Variants in LRRC10 observed in about 807,000 individuals in gnomAD.
LRRC10 encodes leucine-rich repeat-containing protein 10.
A neutral mutation model predicts 11.1 loss-of-function variants in LRRC10; 6 were observed. The observed-to-expected ratio is 0.54, with a 90% CI of 0.30 to 1.07. The LOEUF is 1.07. Among genes scored for constraint, LRRC10 ranks in the 50% least tolerant of loss-of-function variants. The probability of loss-of-function intolerance (pLI) is 0.07; values close to 1 mark genes in which losing one functional copy is unlikely to be tolerated. For missense variants in LRRC10, 320 were observed against 355.5 expected (o/e 0.90, Z 0.80); for synonymous variants, 145 against 153.6 (o/e 0.94, Z 0.41).
rs764956929 is a variant in LRRC10, at chr12:69,609,220, C to T, written c.*785G>A. ...CTCATCTCTACGAAAAAATTAAAGA[C>T]TTAGCCAGGTGTGCACATCTGTAGT... On this transcript the variant is annotated 3_prime_UTR_variant, in exon 1 of 1. Coordinates refer to ENST00000361484, the MANE Select transcript of LRRC10 (RefSeq NM_201550.4). 4 of 152,298 alleles carry T rather than the reference C, an allele frequency of 2.6e-5. No individual in the cohort carries two copies. The highest frequency in any genetic ancestry group is 4.4e-5 in the Non-Finnish European group (3 of 68,196). 9.4% of individuals were successfully genotyped at this position (152,298 alleles called of 1,614,324 possible). A position where few individuals can be genotyped will look rare whatever the true frequency, so the allele number is the denominator to read the frequency against.
At position 69,610,045 on chromosome 12, in the gene LRRC10, A is replaced by G. The variant is rs1488538194; in HGVS notation, c.794T>C (p.Leu265Pro). The G allele has an allele frequency of 6.2e-7, 1 of 1,614,058 alleles. No individual in the cohort carries two copies. The highest frequency in any genetic ancestry group is 1.3e-5 in the African/African-American group (1 of 74,934). The change falls in exon 1 of 1, where the codon CTA becomes CCA. Residue 265 changes from leucine to proline, a missense_variant. Leu to Pro is a moderately conservative substitution (Grantham distance 98, BLOSUM62 -3). Coordinates refer to ENST00000361484, the MANE Select transcript of LRRC10 (RefSeq NM_201550.4). ...YALVREESQELQAPVPLLPPT... is the reference protein window; with the variant it reads ...YALVREESQEPQAPVPLLPPT... ...AGGAAGTAGAGGGACTGGTGCCTGTAGCTCCTGGCTTTCCTCTCTGACCAA... is the reference window on the plus strand; with the variant it reads ...AGGAAGTAGAGGGACTGGTGCCTGTGGCTCCTGGCTTTCCTCTCTGACCAA...
Position 69,609,291 on chromosome 12 carries a change from T to C in LRRC10, c.*714A>G, listed in dbSNP as rs893601535. 6 of 152,384 alleles carry C rather than the reference T, an allele frequency of 3.9e-5. No individual in the cohort carries two copies. Among genetic ancestry groups the C allele is most frequent in the African/African-American group, 1.4e-4 (6 of 41,416 alleles). 9.4% of individuals were successfully genotyped at this position (152,384 alleles called of 1,614,324 possible). ...AGGCGGGAGGAAGGCTTGAGCCCAG[T>C]AGTTCGGGGCTGCAGTGAGCCATGA... On this transcript the variant is annotated 3_prime_UTR_variant, in exon 1 of 1. Transcript: ENST00000361484.
Position 69,609,875 on chromosome 12 carries a change from G to C in LRRC10, c.*130C>G. ...AGTGTGATTTATGGCATTCCACCTG[G>C]CTCTCTCCATCAGTCTCTACTAGCA... On this transcript the variant is annotated 3_prime_UTR_variant, in exon 1 of 1. Transcript: ENST00000361484. 1.3e-6 allele frequency: 1 copy of C among 777,986 alleles called. No individual in the cohort carries two copies. The highest frequency in any genetic ancestry group is 2.0e-6 in the Non-Finnish European group (1 of 488,122). 48.2% of individuals were successfully genotyped at this position (777,986 alleles called of 1,614,324 possible). A position where few individuals can be genotyped will look rare whatever the true frequency, so the allele number is the denominator to read the frequency against.
Position 69,609,890 on chromosome 12 carries a change from C to T in LRRC10, c.*115G>A. 1.1e-6 allele frequency: 1 copy of T among 940,960 alleles called. No homozygotes were observed. Among genetic ancestry groups the T allele is most frequent in the Non-Finnish European group, 1.6e-6 (1 of 628,766 alleles). The allele number at this position is 940,960 out of a possible 1,614,324, so 58.3% of individuals were successfully genotyped here. A position where few individuals can be genotyped will look rare whatever the true frequency, so the allele number is the denominator to read the frequency against. ...ATTCCACCTGGCTCTCTCCATCAGT[C>T]TCTACTAGCAGAGCCACTCCCAAAT... On this transcript the variant is annotated 3_prime_UTR_variant, in exon 1 of 1. Transcript: ENST00000361484.
rs750230441 is a variant in LRRC10 at position 69,610,617 on chromosome 12, T to C, written c.222A>G (p.Leu74=). The change falls in exon 1 of 1, where the codon CTA becomes CTG. Residue 74 remains leucine, a synonymous_variant. Transcript: ENST00000361484. ...LNSLPPELGQ[L]QNLQILALDF... ...CCAAGGCCAGAATCTGCAGGTTCTG[T>C]AGCTGCCCCAGCTCCGGAGGCAGGC... 3.1e-6 allele frequency: 5 copies of C among 1,613,882 alleles called. No homozygotes were observed. In the Admixed American group the frequency reaches 6.7e-5, roughly 22 times the overall value.
rs1487345617 is a variant in LRRC10 at position 69,610,503 on chromosome 12, G to T, written c.336C>A (p.Asp112Glu). The T allele has an allele frequency of 1.2e-6, 2 of 1,614,168 alleles. No individual in the cohort carries two copies. The highest frequency in any genetic ancestry group is 1.1e-5 in the South Asian group (1 of 91,082). Residue 112 changes from aspartate (D) to glutamate (E), a missense_variant, in exon 1 of 1, where the codon GAC becomes GAA. Coordinates refer to ENST00000361484, the MANE Select transcript of LRRC10 (RefSeq NM_201550.4). Reference sequence around the variant, plus strand: ...GGAGCAGGCTCAGCTCACTGGGGAGGTCGCAGAGTTTGTTGTTGCCCAGGT... The same window carrying T: ...GGAGCAGGCTCAGCTCACTGGGGAGTTCGCAGAGTTTGTTGTTGCCCAGGT... ...ILYLGNNKLC[D>E]LPSELSLLQN...
In LRRC10 at chr12:69,609,926, C is replaced by G. The variant is rs997626716; in HGVS notation, c.*79G>C. ...GAGCCACTCCCAAATGACCCAGAGC[C>G]ATCCTTTCCACTCCAATGGAGAGGC... On this transcript the variant is annotated 3_prime_UTR_variant, in exon 1 of 1. Coordinates refer to ENST00000361484, the MANE Select transcript of LRRC10 (RefSeq NM_201550.4). 14 of 1,400,570 alleles carry G rather than the reference C, an allele frequency of 1.0e-5. No homozygotes were observed. The African/African-American group carries it at 1.9e-4, about 19-fold the overall frequency. The allele number at this position is 1,400,570 out of a possible 1,614,324, so 86.8% of individuals were successfully genotyped here. A position where few individuals can be genotyped will look rare whatever the true frequency, so the allele number is the denominator to read the frequency against.
In LRRC10 at chr12:69,610,071, C is replaced by T. The variant is rs148566929; in HGVS notation, c.768G>A (p.Ala256=). 367 of 1,614,220 alleles carry T rather than the reference C, an allele frequency of 2.3e-4. 2 individuals carry two copies. The highest frequency in any genetic ancestry group is 2.3e-3 in the African/African-American group (169 of 75,056). ...GCTCCTGGCTTTCCTCTCTGACCAA[C>T]GCATAGCGCCTGGCTTTTCTAGGGT... ...EPDPRKARRY[A]LVREESQELQ... Residue 256 remains alanine, a synonymous_variant, in exon 1 of 1, where the codon GCG becomes GCA. Coordinates refer to ENST00000361484, the MANE Select transcript of LRRC10 (RefSeq NM_201550.4).
rs887956097 is a variant in LRRC10, at chr12:69,609,435, A to G, written c.*570T>C. On this transcript the variant is annotated 3_prime_UTR_variant, in exon 1 of 1. Coordinates refer to ENST00000361484, the MANE Select transcript of LRRC10 (RefSeq NM_201550.4). ...ATCAGGGATCTTTTCAGCAGGCACTAAACTGCTGGGGAAAGAGTTTCATCT... is the reference window on the plus strand; with the variant it reads ...ATCAGGGATCTTTTCAGCAGGCACTGAACTGCTGGGGAAAGAGTTTCATCT... 1 of 152,892 alleles carries G rather than the reference A, an allele frequency of 6.5e-6. No individual in the cohort carries two copies. Among genetic ancestry groups the G allele is most frequent in the African/African-American group, 2.4e-5 (1 of 41,454 alleles). The allele number at this position is 152,892 out of a possible 1,614,324, so 9.5% of individuals were successfully genotyped here.
In LRRC10 at chr12:69,608,838, A is replaced by G. The variant is rs1189409725; in HGVS notation, c.*1167T>C. Reference sequence around the variant, plus strand: ...ATGTGGTTTTCCTCCAAGGACAGGGATTCAATTTAGCTCAGCTCTGGCTCA... The same window carrying G: ...ATGTGGTTTTCCTCCAAGGACAGGGGTTCAATTTAGCTCAGCTCTGGCTCA... On this transcript the variant is annotated 3_prime_UTR_variant, in exon 1 of 1. Coordinates refer to ENST00000361484, the MANE Select transcript of LRRC10 (RefSeq NM_201550.4). The G allele has an allele frequency of 6.6e-6, 1 of 152,226 alleles. No individual in the cohort carries two copies. The highest frequency in any genetic ancestry group is 1.9e-4 in the East Asian group (1 of 5,198). The allele number at this position is 152,226 out of a possible 1,614,324, so 9.4% of individuals were successfully genotyped here.
chr12:69,610,672 T>G lies in LRRC10; in HGVS notation c.167A>C (p.Lys56Thr). The change falls in exon 1 of 1, where the codon AAG (lysine) becomes ACG (threonine). Residue 56 changes from lysine (K) to threonine (T), a missense_variant. Lys to Thr is a moderately conservative substitution (Grantham distance 78). Transcript: ENST00000361484. ...LHVCSFRELV[K>T]LYLSDNHLNS... ...GAGGTGGTTGTCGCTCAGGTAGAGC[T>G]TGACCAGCTCCCTGAAGGAGCACAC... The G allele has an allele frequency of 1.2e-6, 2 of 1,614,170 alleles. No homozygotes were observed. The highest frequency in any genetic ancestry group is 1.6e-4 in the Middle Eastern group (1 of 6,062).
chr12:69,610,282 A>C lies in LRRC10; in HGVS notation c.557T>G (p.Leu186Arg), dbSNP rs1172510141. The C allele has an allele frequency of 1.2e-6, 2 of 1,613,644 alleles. No homozygotes were observed. Among genetic ancestry groups the C allele is most frequent in the Non-Finnish European group, 1.7e-6 (2 of 1,179,552 alleles). Reference sequence around the variant, plus strand: ...CACCTCCAGGAAGGGCATGTGAAGCAGCACAGTGGGAAAGTCAGTTAGCCG... The same window carrying C: ...CACCTCCAGGAAGGGCATGTGAAGCCGCACAGTGGGAAAGTCAGTTAGCCG... ...GNRLTDFPTV[L>R]LHMPFLEVID... Residue 186 changes from leucine (L) to arginine (R), a missense_variant, in exon 1 of 1, where the codon CTG (leucine) becomes CGG (arginine). Transcript: ENST00000361484.
chr12:69,610,432 A>C lies in LRRC10; in HGVS notation c.407T>G (p.Leu136Arg), dbSNP rs769149109. 2.5e-6 allele frequency: 4 copies of C among 1,613,868 alleles called. No individual in the cohort carries two copies. In the African/African-American group the frequency reaches 5.3e-5, roughly 22 times the overall value. Residue 136 changes from leucine (L) to arginine (R), a missense_variant, in exon 1 of 1, where the codon CTG becomes CGG. Transcript: ENST00000361484. ...LWIEANCLTQ[L>R]PDVVCELSLL... ...ACTCAGCTCACAGACCACATCCGGC[A>C]GCTGGGTGAGGCAGTTGGCCTCGAT...
rs375327073 is a variant in LRRC10, at chr12:69,610,563, C to G, written c.276G>C (p.Gln92His). 22 of 1,613,952 alleles carry G rather than the reference C, an allele frequency of 1.4e-5. No homozygotes were observed. In the African/African-American group the frequency reaches 2.4e-4, roughly 18 times the overall value. Residue 92 changes from glutamine to histidine, a missense_variant, in exon 1 of 1, where the codon CAG becomes CAC. Gln to His is a conservative substitution (Grantham distance 24). Coordinates refer to ENST00000361484, the MANE Select transcript of LRRC10 (RefSeq NM_201550.4). ...LDFNNFKALP[Q>H]VVCTLKQLCI... ...AGAGCTGTTTCAAGGTGCACACCAC[C>G]TGGGGCAGAGCCTTGAAGTTGTTGA... is the stretch of plus-strand genomic sequence containing the variant.
At position 69,610,083 on chromosome 12, in the gene LRRC10, G is replaced by A. The variant is rs1438333909; in HGVS notation, c.756C>T (p.Ala252=). 1.2e-6 allele frequency: 2 copies of A among 1,614,228 alleles called. No individual in the cohort carries two copies. Among genetic ancestry groups the A allele is most frequent in the Non-Finnish European group, 1.7e-6 (2 of 1,180,046 alleles). ...EETPEPDPRK[A]RRYALVREES... ...CCTCTCTGACCAACGCATAGCGCCT[G>A]GCTTTTCTAGGGTCGGGCTCTGGCG... is the stretch of plus-strand genomic sequence containing the variant. The change falls in exon 1 of 1, where the codon GCC becomes GCT. Residue 252 remains alanine (A), a synonymous_variant. Transcript: ENST00000361484.
In LRRC10 at chr12:69,610,557, C is replaced by T. The variant is rs548787199; in HGVS notation, c.282G>A (p.Val94=). The change falls in exon 1 of 1, where the codon GTG becomes GTA. Residue 94 remains valine, a synonymous_variant. Transcript: ENST00000361484. Reference sequence around the variant, plus strand: ...GGATGCAGAGCTGTTTCAAGGTGCACACCACCTGGGGCAGAGCCTTGAAGT... The same window carrying T: ...GGATGCAGAGCTGTTTCAAGGTGCATACCACCTGGGGCAGAGCCTTGAAGT... ...FNNFKALPQV[V]CTLKQLCILY... 1.9e-6 allele frequency: 3 copies of T among 1,614,026 alleles called. No homozygotes were observed. Among genetic ancestry groups the T allele is most frequent in the East Asian group, 2.2e-5 (1 of 44,884 alleles).
chr12:69,610,642 C>T lies in LRRC10; in HGVS notation c.197G>A (p.Ser66Asn). The T allele has an allele frequency of 6.2e-7, 1 of 1,614,130 alleles. No individual in the cohort carries two copies. Among genetic ancestry groups the T allele is most frequent in the Non-Finnish European group, 8.5e-7 (1 of 1,180,034 alleles). ...TAGCTGCCCCAGCTCCGGAGGCAGGCTATTGAGGTGGTTGTCGCTCAGGTA... is the reference window on the plus strand; with the variant it reads ...TAGCTGCCCCAGCTCCGGAGGCAGGTTATTGAGGTGGTTGTCGCTCAGGTA... ...KLYLSDNHLN[S>N]LPPELGQLQN... Residue 66 changes from serine to asparagine, a missense_variant, in exon 1 of 1, where the codon AGC (serine) becomes AAC (asparagine). Coordinates refer to ENST00000361484, the MANE Select transcript of LRRC10 (RefSeq NM_201550.4).
chr12:69,610,659 G>C lies in LRRC10; in HGVS notation c.180C>G (p.Ser60Arg). ...SFRELVKLYL[S>R]DNHLNSLPPE... Reference sequence around the variant, plus strand: ...GAGGCAGGCTATTGAGGTGGTTGTCGCTCAGGTAGAGCTTGACCAGCTCCC... The same window carrying C: ...GAGGCAGGCTATTGAGGTGGTTGTCCCTCAGGTAGAGCTTGACCAGCTCCC... Residue 60 changes from serine (S) to arginine (R), a missense_variant, in exon 1 of 1, where the codon AGC (serine) becomes AGG (arginine). Transcript: ENST00000361484. 1.2e-6 allele frequency: 2 copies of C among 1,614,086 alleles called. No homozygotes were observed. Among genetic ancestry groups the C allele is most frequent in the Non-Finnish European group, 1.7e-6 (2 of 1,180,030 alleles).
At position 69,610,203 on chromosome 12, in the gene LRRC10, T is replaced by G; in HGVS notation, c.636A>C (p.Ser212=). The change falls in exon 1 of 1, where the codon TCA becomes TCC. Residue 212 remains serine, a synonymous_variant. Coordinates refer to ENST00000361484, the MANE Select transcript of LRRC10 (RefSeq NM_201550.4). ...IRYFPSLAHL[S]SLKLVIYDHN... is the part of the protein sequence containing the mutation. Reference sequence around the variant, plus strand: ...GGTCATAGATGACCAGCTTCAGACTTGACAGGTGCGCCAGGCTGGGGAAGT... The same window carrying G: ...GGTCATAGATGACCAGCTTCAGACTGGACAGGTGCGCCAGGCTGGGGAAGT... The G allele has an allele frequency of 1.2e-6, 2 of 1,614,184 alleles. No individual in the cohort carries two copies. The highest frequency in any genetic ancestry group is 1.7e-6 in the Non-Finnish European group (2 of 1,180,034).
Sources: allele counts gnomAD v4.1 joint callset, GRCh38; gene constraint gnomAD v4.1.1; transcripts MANE v1.5; gene names NCBI Gene and HGNC (gene_info 2026-07-23, HGNC 2026-07-21).